Variants in SHISA9 observed in about 807,000 individuals in gnomAD.
The protein encoded by SHISA9 is protein shisa-9.
Under a neutral mutation model 38.0 loss-of-function variants are expected in SHISA9, and 13 were observed. The ratio of observed to expected loss-of-function variants is 0.34; its 90% CI spans 0.22 to 0.54. SHISA9 has a LOEUF of 0.54. Among genes scored for constraint, SHISA9 ranks in the 20% least tolerant of loss-of-function variants. SHISA9 has a pLI of 0.91. For synonymous variants in SHISA9, 275 were observed against 242.0 expected, an observed-to-expected ratio of 1.14 and a Z score of -1.27; for missense variants, 538 against 575.8, an observed-to-expected ratio of 0.93 and a Z score of 0.67.
At chr16:13,087,499 CT>C (rs1435632347) in intron 2 of SHISA9, among the ~76,000 whole-genome samples, 6 of 152,218 alleles carry the variant, frequency 3.9e-5, no homozygotes, top group African/African-American at 1.4e-4. Context: ...TGTTTCCTGA[CT>C]TTTTAATGAT....
the SHISA9 span, among the ~76,000 whole-genome samples, chr16:13,428,515 T>G: frequency 6.6e-6 from 1 of 152,196 alleles, no homozygotes; most frequent in African/African-American, 2.4e-5. Flanking sequence ...TCTCCAACCT[T>G]GAAGATAGTC....
intron 1 of SHISA9, among the ~76,000 whole-genome samples, chr16:12,915,567 G>T (rs949119842): frequency 1.6e-4 from 25 of 152,222 alleles, no homozygotes; most frequent in African/African-American, 6.0e-4. Flanking sequence ...TGCAATGATG[G>T]CAGCTGTTTG....
At chr16:13,413,265 C>T in the SHISA9 span, among the ~76,000 whole-genome samples, 1 of 152,158 alleles carries the variant, frequency 6.6e-6, no homozygotes. Flanking sequence ...GTAGACACAG[C>T]CTGTCACTAA....
At chr16:13,016,816 G>T (rs1567182824) in intron 2 of SHISA9, among the ~76,000 whole-genome samples, 1 of 151,962 alleles carries the variant, frequency 6.6e-6, no homozygotes, top group Non-Finnish European at 1.5e-5. Context: ...ACATGTTGTT[G>T]TGGTACTTTT....
At chr16:13,526,187 A>T in the SHISA9 span, among the ~76,000 whole-genome samples, 1 of 152,206 alleles carries the variant, frequency 6.6e-6, no homozygotes, top group African/African-American at 2.4e-5. Context: ...AGTTTCAGTT[A>T]TTTCTCTTGT....
intron 2 of SHISA9, among the ~76,000 whole-genome samples, chr16:13,144,429 G>A (rs574669496): frequency 6.6e-6 from 1 of 152,086 alleles, no homozygotes; most frequent in Non-Finnish European, 1.5e-5. Context: ...GGGATTACAG[G>A]TGTGAGCCAC....
the SHISA9 span, among the ~76,000 whole-genome samples, chr16:13,359,206 C>G: frequency 6.6e-6 from 1 of 152,180 alleles, no homozygotes; most frequent in African/African-American, 2.4e-5. Context: ...CTTGTTAATA[C>G]TGTTGCCATT....
chr16:13,355,973 G>A, the SHISA9 span, among the ~76,000 whole-genome samples: 1,463 of 152,292 alleles, frequency 9.6e-3, 25 homozygotes, highest in African/African-American at 0.034. Flanking sequence ...CGTGGCTTAG[G>A]AGGAATCCCA....
intron 2 of SHISA9, chr16:13,082,341 G>C (rs928097550): frequency 6.6e-6 from 1 of 152,150 alleles, no homozygotes; most frequent in Admixed American, 6.6e-5. Flanking sequence ...GCTTAATCTA[G>C]TAGTTTAAAG....
At chr16:13,502,551 G>C in the SHISA9 span, among the ~76,000 whole-genome samples, 2 of 152,078 alleles carry the variant, frequency 1.3e-5, no homozygotes, top group Admixed American at 1.3e-4. Context: ...AGGCAGACCT[G>C]GTCTTTACCA....
chr16:13,354,756 G>A, the SHISA9 span, among the ~76,000 whole-genome samples: 1 of 152,060 alleles, frequency 6.6e-6, no homozygotes, highest in East Asian at 1.9e-4. Context: ...TTCTGACTGC[G>A]CTAACCATGC....
intron 2 of SHISA9, among the ~76,000 whole-genome samples, chr16:12,927,057 C>A (rs1219340990): frequency 6.6e-6 from 1 of 151,984 alleles, no homozygotes; most frequent in African/African-American, 2.4e-5. Flanking sequence ...GCCTGCTGTT[C>A]CTTTAATAGA....
At chr16:12,916,644 C>T (rs767305111) in intron 1 of SHISA9, 44 bp from the exon 2 acceptor site, 1 of 1,536,684 alleles carries the variant, frequency 6.5e-7, no homozygotes, top group Non-Finnish European at 8.8e-7. Context: ...AGCTGCCAGT[C>T]ATTGTGTTTT....
the SHISA9 span, among the ~76,000 whole-genome samples, chr16:13,475,368 T>C: frequency 6.6e-6 from 1 of 151,646 alleles, no homozygotes; most frequent in South Asian, 2.1e-4. Flanking sequence ...TTTATATATA[T>C]ATGAAACAAT....
the SHISA9 span, among the ~76,000 whole-genome samples, chr16:13,524,989 G>C: frequency 1.3e-5 from 2 of 152,170 alleles, no homozygotes; most frequent in South Asian, 2.1e-4. Context: ...CCTGGGTGGG[G>C]TGGTAGGGTA....
At chr16:13,340,128 C>G in the SHISA9 span, among the ~76,000 whole-genome samples, 3 of 152,116 alleles carry the variant, frequency 2.0e-5, no homozygotes, top group African/African-American at 7.2e-5. Context: ...TAATTGCTAC[C>G]TCTTGGGACT....
At chr16:12,907,067 T>G (rs2071107695) in intron 1 of SHISA9, among the ~76,000 whole-genome samples, 1 of 109,766 alleles carries the variant, frequency 9.1e-6, no homozygotes, top group Non-Finnish European at 1.8e-5. Flanking sequence ...CTTCCCTCCC[T>G]CCCTTCCTCC....
chr16:13,045,518 A>G (rs2073176702), intron 2 of SHISA9, among the ~76,000 whole-genome samples: 2 of 151,550 alleles, frequency 1.3e-5, no homozygotes, highest in African/African-American at 2.4e-5. Context: ...AGCATCTACT[A>G]CATGCTTGGC....
At chr16:13,318,095 T>C in the SHISA9 span, among the ~76,000 whole-genome samples, 20 of 152,068 alleles carry the variant, frequency 1.3e-4, no homozygotes, top group African/African-American at 4.8e-4. Flanking sequence ...GTATCATTCA[T>C]GAATTTATGA....
Sources: allele counts gnomAD v4.1 joint callset (sites outside exome capture counted in the v4.1 genomes callset), GRCh38; gene constraint gnomAD v4.1.1; transcripts MANE v1.5; gene names NCBI Gene and HGNC (gene_info 2026-07-23, HGNC 2026-07-21).